MMD2: variants seen among roughly 807,000 people sequenced by gnomAD.
The protein encoded by MMD2 is monocyte to macrophage differentiation associated 2.
In MMD2, 30 loss-of-function variants were observed where a neutral mutation model predicts 33.5. The ratio of observed to expected loss-of-function variants is 0.90; its 90% CI spans 0.67 to 1.22. MMD2 has a LOEUF of 1.22. Among genes scored for constraint, MMD2 ranks in the 50% most tolerant of loss-of-function variants. The probability of loss-of-function intolerance (pLI) is 0.00; values close to 1 mark genes in which losing one functional copy is unlikely to be tolerated. For missense variants in MMD2, 364 were observed against 325.4 expected (o/e 1.12, Z -0.91); for synonymous variants, 129 against 123.0 (o/e 1.05, Z -0.32).
intron 1 of MMD2, among the ~76,000 whole-genome samples, chr7:4,935,073 C>G (rs1785700212): frequency 6.6e-6 from 1 of 152,070 alleles, no homozygotes. Context: ...GTAATTCCAG[C>G]TCCTCAGGAG....
chr7:4,945,185 T>TTCTTCCTCTTCTTCTTC (rs1554273338), intron 1 of MMD2, among the ~76,000 whole-genome samples: 1 of 93,480 alleles, frequency 1.1e-5, no homozygotes, highest in African/African-American at 4.0e-5. Flanking sequence ...CCTCTTCCTC[T>TTCTTCCTCTTCTTCTTC]TTCTTCTTCT....
chr7:4,934,287 G>A (rs1213325717), intron 1 of MMD2, among the ~76,000 whole-genome samples: 5 of 148,062 alleles, frequency 3.4e-5, no homozygotes, highest in African/African-American at 7.4e-5. Flanking sequence ...GATTTTTAGC[G>A]GAGACAGGGT....
At chr7:4,934,930 G>A (rs1785696261) in intron 1 of MMD2, among the ~76,000 whole-genome samples, 1 of 152,172 alleles carries the variant, frequency 6.6e-6, no homozygotes, top group Non-Finnish European at 1.5e-5. Context: ...TCACGCCTGT[G>A]ATCCCAGCAC....
chr7:4,949,269 G>A (rs1786174588), intron 1 of MMD2, among the ~76,000 whole-genome samples: 1 of 151,748 alleles, frequency 6.6e-6, no homozygotes, highest in East Asian at 1.9e-4. Context: ...CAAATATTAG[G>A]TCTTATTCAT....
At chr7:4,958,919 C>A in intron 1 of MMD2, 52 bp downstream of exon 1, 1 of 1,279,592 alleles carries the variant, frequency 7.8e-7, no homozygotes, top group Non-Finnish European at 9.9e-7. Context: ...GCGGCCCCCG[C>A]CGCCGCGCGC....
the MMD2 span, among the ~76,000 whole-genome samples, chr7:4,893,518 A>C: frequency 6.6e-6 from 1 of 151,940 alleles, no homozygotes; most frequent in Non-Finnish European, 1.5e-5. Context: ...CAGCATCCCA[A>C]GTAGCTGGGA....
chr7:4,909,988 C>G, intron 5 of MMD2, 38 bp from the exon 6 acceptor site: 7 of 1,613,926 alleles, frequency 4.3e-6, no homozygotes, highest in Admixed American at 1.7e-5. Flanking sequence ...TTAGGACATG[C>G]CTCCCCACGA....
intron 5 of MMD2, 113 bp downstream of exon 5, chr7:4,911,032 C>T (rs1562476122): frequency 4.5e-6 from 4 of 887,238 alleles, no homozygotes; most frequent in Admixed American, 2.4e-5. Context: ...ACAGCCAGAG[C>T]TGTGCTCTCA....
chr7:4,949,085 C>G (rs578260843), intron 1 of MMD2, among the ~76,000 whole-genome samples: 15 of 152,204 alleles, frequency 9.9e-5, no homozygotes, highest in Admixed American at 3.9e-4. Context: ...TGGTGCACAC[C>G]TATAACCCCA....
At chr7:4,928,510 CCGT>C (rs1785491647) in intron 1 of MMD2, among the ~76,000 whole-genome samples, 1 of 151,726 alleles carries the variant, frequency 6.6e-6, no homozygotes, top group Admixed American at 6.6e-5. Flanking sequence ...TGAGCACCTT[CCGT>C]ATGCTGGCCT....
At chr7:4,927,786 A>G (rs1383648821) in intron 1 of MMD2, among the ~76,000 whole-genome samples, 1 of 152,142 alleles carries the variant, frequency 6.6e-6, no homozygotes, top group Non-Finnish European at 1.5e-5. Context: ...TCAAAGCGTT[A>G]TCACCTCTGT....
chr7:4,947,676 A>G (rs1786126441), intron 1 of MMD2, among the ~76,000 whole-genome samples: 1 of 126,726 alleles, frequency 7.9e-6, no homozygotes, highest in African/African-American at 3.0e-5. Flanking sequence ...TACAGGTGTG[A>G]GCGACTGCAC....
intron 1 of MMD2, among the ~76,000 whole-genome samples, chr7:4,956,771 C>A (rs1490689589): frequency 3.3e-5 from 5 of 152,102 alleles, no homozygotes; most frequent in Admixed American, 3.3e-4. Flanking sequence ...GGGACAGGCC[C>A]GGGCTGGTTG....
intron 1 of MMD2, among the ~76,000 whole-genome samples, chr7:4,955,373 G>A (rs941605044): frequency 2.6e-5 from 4 of 152,076 alleles, no homozygotes; most frequent in African/African-American, 9.7e-5. Flanking sequence ...CCTACCACCC[G>A]CTGAGAAACA....
At chr7:4,922,103 G>C (rs1203793754) in intron 2 of MMD2, among the ~76,000 whole-genome samples, 2 of 152,028 alleles carry the variant, frequency 1.3e-5, no homozygotes, top group African/African-American at 4.8e-5. Flanking sequence ...GCATGCGTCT[G>C]TAATTCCAGC....
chr7:4,916,135 T>A (rs959596707), intron 3 of MMD2, 56 bp from the exon 4 acceptor site: 1 of 1,551,412 alleles, frequency 6.4e-7, no homozygotes, highest in South Asian at 1.1e-5. Context: ...GAAGGGCCAG[T>A]GCCCCCAGAG....
At chr7:4,916,235 T>C (rs1785139798) in intron 3 of MMD2, among the ~76,000 whole-genome samples, 156 bp from the exon 4 acceptor site, 1 of 151,726 alleles carries the variant, frequency 6.6e-6, no homozygotes, top group Non-Finnish European at 1.5e-5. Flanking sequence ...AGAATCCCCA[T>C]CTGTAAGTGA....
At chr7:4,936,262 A>T (rs1785739239) in intron 1 of MMD2, among the ~76,000 whole-genome samples, 2 of 152,156 alleles carry the variant, frequency 1.3e-5, no homozygotes. Context: ...AATCAAATGA[A>T]AAAAATCAAG....
At chr7:4,900,518 A>G in the MMD2 span, among the ~76,000 whole-genome samples, 1 of 152,040 alleles carries the variant, frequency 6.6e-6, no homozygotes, top group Non-Finnish European at 1.5e-5. Context: ...ACCTTGGTTA[A>G]TTTCACCCTA....
Sources: allele counts gnomAD v4.1 joint callset (sites outside exome capture counted in the v4.1 genomes callset), GRCh38; gene constraint gnomAD v4.1.1; transcripts MANE v1.5; gene names NCBI Gene and HGNC (gene_info 2026-07-23, HGNC 2026-07-21).